The following SPTB variants were observed in gnomAD, a reference collection of about 807,000 sequenced individuals.
The protein encoded by SPTB is spectrin beta, erythrocytic, also known as spectrin beta chain, erythrocytic.
Under a neutral mutation model 256.2 loss-of-function variants are expected in SPTB, and 45 were observed. That is an observed-to-expected ratio of 0.18 (90% CI 0.14 to 0.23). The LOEUF is 0.23. Among genes scored for constraint, SPTB ranks in the 10% least tolerant of loss-of-function variants. The pLI is 1.00. For missense variants in SPTB, 2,715 were observed against 3,040.4 expected (o/e 0.89, Z 2.52); for synonymous variants, 1,231 against 1,243.1 (o/e 0.99, Z 0.21).
chr14:64,853,630 G>A lies in SPTB; in HGVS notation c.-52+26162C>T, dbSNP rs1297793306. 5.3e-5 allele frequency among the ~76,000 whole-genome samples: 8 copies of A among 152,202 alleles called. No individual in the cohort carries two copies. In the East Asian group the frequency reaches 1.5e-3, roughly 29 times the overall value. On this transcript the variant is annotated intron_variant, in intron 1 of 35. Coordinates refer to ENST00000644917, the MANE Select transcript of SPTB (RefSeq NM_001355436.2). The surrounding 1 kb of genome is among the most constrained non-coding windows in gnomAD (Gnocchi z 4.3). ...CCTTCAAAATGTTTGATGGGAGAGGGTATGGGGCTTTGAGGGGGAGCAGAC... is the reference window on the plus strand; with the variant it reads ...CCTTCAAAATGTTTGATGGGAGAGGATATGGGGCTTTGAGGGGGAGCAGAC...
chr14:64,754,069 G>T (rs1463679430), intron 32 of SPTB: 2 of 560,864 alleles, frequency 3.6e-6, no homozygotes, highest in Admixed American at 3.0e-5. Flanking sequence ...ACATAGCAAC[G>T]GAAGGTTCTC....
At chr14:64,835,349 A>T (rs2083508474) in intron 1 of SPTB, among the ~76,000 whole-genome samples, 3 of 152,090 alleles carry the variant, frequency 2.0e-5, no homozygotes, top group African/African-American at 7.2e-5. Context: ...CTTGGGTTCA[A>T]ACAATTCTGC....
chr14:64,771,667 A>C lies in SPTB; in HGVS notation c.5554-538T>G, dbSNP rs146815059. Among the ~76,000 whole-genome samples the C allele has an allele frequency of 6.1e-3, 923 of 152,222 alleles. 12 individuals carry two copies. The highest frequency in any genetic ancestry group is 0.021 in the African/African-American group (882 of 41,504). Reference sequence around the variant, plus strand: ...GTGGTTGCACCAGATCCCCTGATTGAGGCTGGCCCTGGGGACAGTGAAACC... The same window carrying C: ...GTGGTTGCACCAGATCCCCTGATTGCGGCTGGCCCTGGGGACAGTGAAACC... On this transcript the variant is annotated intron_variant, in intron 26 of 35. Transcript: ENST00000644917.
intron 29 of SPTB, among the ~76,000 whole-genome samples, chr14:64,768,651 T>C (rs2082228684): frequency 6.7e-6 from 1 of 149,978 alleles, no homozygotes; most frequent in Non-Finnish European, 1.5e-5. Flanking sequence ...CCAACCCCTC[T>C]CCCAGACCCC....
chr14:64,749,267 T>C lies in SPTB; in HGVS notation c.*39A>G, dbSNP rs2081902766. 2 of 1,543,724 alleles carry C rather than the reference T, an allele frequency of 1.3e-6. No individual in the cohort carries two copies. Among genetic ancestry groups the C allele is most frequent in the African/African-American group, 1.4e-5 (1 of 73,192 alleles). On this transcript the variant is annotated 3_prime_UTR_variant, in exon 36 of 36. Transcript: ENST00000644917. This position sits in a 1 kb window ranked among gnomAD's most constrained non-coding sequence, Gnocchi z 4.7. ...GCCAAGGCCTGGGCTGCCCGGTCTCTGCGCGTCCCGACTCCGCCGCGCCCG... is the reference window on the plus strand; with the variant it reads ...GCCAAGGCCTGGGCTGCCCGGTCTCCGCGCGTCCCGACTCCGCCGCGCCCG...
In SPTB at chr14:64,779,295, C is replaced by T. The variant is rs1465660944; in HGVS notation, c.4474-49G>A. The T allele has an allele frequency of 6.7e-7, 1 of 1,494,532 alleles. No individual in the cohort carries two copies. Among genetic ancestry groups the T allele is most frequent in the East Asian group, 2.3e-5 (1 of 43,468 alleles). The allele number at this position is 1,494,532 out of a possible 1,614,324, so 92.6% of individuals were successfully genotyped here. The stretch of plus-strand genomic sequence containing the variant: ...AGAGCTGATGACAATCACGGCCAAC[C>T]TTTCCTGAGTGCTCACCATGGGCGG... On this transcript the variant is annotated intron_variant, in intron 21 of 35. Transcript: ENST00000644917. The surrounding 1 kb of genome is among the most constrained non-coding windows in gnomAD (Gnocchi z 4.2).
chr14:64,852,135 CAGAGT>C lies in SPTB; in HGVS notation c.-52+27652_-52+27656del, dbSNP rs2083798483. Among the ~76,000 whole-genome samples, 1 of 152,106 alleles carries C rather than the reference CAGAGT, an allele frequency of 6.6e-6. No homozygotes were observed. The highest frequency in any genetic ancestry group is 2.1e-4 in the South Asian group (1 of 4,830). ...GGAAGTACCTGGGGTTTCATGGGAGCAGAGTAGACACACAGAAGGCCTTCTGCAAG... is the reference window on the plus strand; with the variant it reads ...GGAAGTACCTGGGGTTTCATGGGAGCAGACACACAGAAGGCCTTCTGCAAG... On this transcript the variant is annotated intron_variant, in intron 1 of 35. Transcript: ENST00000644917. This position sits in a 1 kb window ranked among gnomAD's most constrained non-coding sequence, Gnocchi z 4.2.
intron 1 of SPTB, among the ~76,000 whole-genome samples, chr14:64,855,137 G>A (rs1162820462): frequency 6.6e-6 from 1 of 152,178 alleles, no homozygotes; most frequent in Non-Finnish European, 1.5e-5. Context: ...CAGTTACCAG[G>A]CAAAGGGCCT....
intron 2 of SPTB, among the ~76,000 whole-genome samples, chr14:64,809,703 G>A (rs1241021042): frequency 6.6e-6 from 1 of 152,164 alleles, no homozygotes; most frequent in African/African-American, 2.4e-5. Flanking sequence ...GAGGCAAAAG[G>A]AAGCACTGAA....
chr14:64,869,644 C>G (rs1322519724), intron 1 of SPTB, among the ~76,000 whole-genome samples: 1 of 133,758 alleles, frequency 7.5e-6, no homozygotes, highest in Non-Finnish European at 1.6e-5. Context: ...TTTTTTGAGA[C>G]AGGGTCTCAA....
intron 2 of SPTB, among the ~76,000 whole-genome samples, chr14:64,808,920 G>A (rs1054876566): frequency 1.3e-5 from 2 of 151,916 alleles, no homozygotes; most frequent in South Asian, 4.2e-4. Flanking sequence ...ATTGTGAAGG[G>A]GAGGGGAGCC....
rs913556332 is a variant in SPTB, at chr14:64,764,102, C to A, written c.6345+2624G>T. On this transcript the variant is annotated intron_variant, in intron 32 of 35. Transcript: ENST00000644917. This position sits in a 1 kb window ranked among gnomAD's most constrained non-coding sequence, Gnocchi z 4.2. ...CACCAGACCACACACAGAGGACCAG[C>A]AGGAGAGCCACCATCCCCCAGGACT... 6.6e-6 allele frequency among the ~76,000 whole-genome samples: 1 copy of A among 152,236 alleles called. No individual in the cohort carries two copies. Among genetic ancestry groups the A allele is most frequent in the Non-Finnish European group, 1.5e-5 (1 of 68,038 alleles).
chr14:64,839,763 A>T (rs569498796), intron 1 of SPTB, among the ~76,000 whole-genome samples: 1 of 152,342 alleles, frequency 6.6e-6, no homozygotes, highest in East Asian at 1.9e-4. Context: ...CTATAATGGA[A>T]TTTTATGAAT....
In SPTB at chr14:64,760,759, G is replaced by A. The variant is rs1479659743; in HGVS notation, c.6345+5967C>T. Among the ~76,000 whole-genome samples, 2 of 152,178 alleles carry A rather than the reference G, an allele frequency of 1.3e-5. No individual in the cohort carries two copies. The highest frequency in any genetic ancestry group is 2.9e-5 in the Non-Finnish European group (2 of 68,038). ...CTCTTCCAATCCTCCCAGCCTCTCT[G>A]TAAGGCAGGTACTGTTATTACACCT... On this transcript the variant is annotated intron_variant, in intron 32 of 35. Transcript: ENST00000644917. The surrounding 1 kb of genome is among the most constrained non-coding windows in gnomAD (Gnocchi z 4.3).
intron 32 of SPTB, among the ~76,000 whole-genome samples, chr14:64,761,715 A>G (rs1256589027): frequency 2.0e-5 from 3 of 152,188 alleles, no homozygotes; most frequent in African/African-American, 7.2e-5. Context: ...TGTCTTCACC[A>G]TGCCCACCAC....
At position 64,779,422 on chromosome 14, in the gene SPTB, G is replaced by A. The variant is rs75629165; in HGVS notation, c.4474-176C>T. ...GAATATTTGGGGATTTTGAACTGAG[G>A]TTCCAAATAACTTGCTCCTAGTCAG... On this transcript the variant is annotated intron_variant, in intron 21 of 35. Transcript: ENST00000644917. This position sits in a 1 kb window ranked among gnomAD's most constrained non-coding sequence, Gnocchi z 4.2. Among the ~76,000 whole-genome samples the A allele has an allele frequency of 0.092, 14,039 of 152,244 alleles. 690 individuals are homozygous for A. Among genetic ancestry groups the A allele is most frequent in the Middle Eastern group, 0.13 (37 of 294 alleles).
In SPTB at chr14:64,766,888, C is replaced by T. The variant is rs2082193543; in HGVS notation, c.6270-87G>A. ...AGGCCTGGCTTTTCACCTGCGCCCACAGGGAGGAGCACCAAATAGCTCCCC... is the reference window on the plus strand; with the variant it reads ...AGGCCTGGCTTTTCACCTGCGCCCATAGGGAGGAGCACCAAATAGCTCCCC... On this transcript the variant is annotated intron_variant, in intron 31 of 35. Transcript: ENST00000644917. 1.2e-5 allele frequency: 19 copies of T among 1,520,338 alleles called. 1 individual carries two copies. The South Asian group carries it at 1.8e-4, about 14-fold the overall frequency. The allele number at this position is 1,520,338 out of a possible 1,614,324, so 94.2% of individuals were successfully genotyped here.
Position 64,793,491 on chromosome 14 carries a change from C to T in SPTB, c.2172G>A (p.Gln724=). The T allele has an allele frequency of 6.2e-7, 1 of 1,614,170 alleles. No individual in the cohort carries two copies. Among genetic ancestry groups the T allele is most frequent in the South Asian group, 1.1e-5 (1 of 91,086 alleles). Residue 724 remains glutamine, a synonymous_variant, in exon 14 of 36, where the codon CAG becomes CAA. Transcript: ENST00000644917. The surrounding 1 kb of genome is among the most constrained non-coding windows in gnomAD (Gnocchi z 7.0). ...IEARIKEVSA[Q]WDQLKDLAAF... ...CAGCCAGGTCCTTCAGCTGGTCCCA[C>T]TGTGCCGACACCTCCTTTATGCGGG...
At position 64,800,344 on chromosome 14, in the gene SPTB, T is replaced by C. The variant is rs79270597; in HGVS notation, c.877-410A>G. Reference sequence around the variant, plus strand: ...ACAGAGATGAATGAGAAATGGTACCTATACTCTAAGAGCTAAGGATCTAGC... The same window carrying C: ...ACAGAGATGAATGAGAAATGGTACCCATACTCTAAGAGCTAAGGATCTAGC... On this transcript the variant is annotated intron_variant, in intron 8 of 35. Coordinates refer to ENST00000644917, the MANE Select transcript of SPTB (RefSeq NM_001355436.2). Among the ~76,000 whole-genome samples, 422 of 152,330 alleles carry C rather than the reference T, an allele frequency of 2.8e-3. 3 individuals carry two copies. The highest frequency in any genetic ancestry group is 9.9e-3 in the African/African-American group (413 of 41,578).
Sources: allele counts gnomAD v4.1 joint callset (sites outside exome capture counted in the v4.1 genomes callset), GRCh38; gene constraint gnomAD v4.1.1; non-coding constraint Gnocchi (gnomAD v3.1); transcripts MANE v1.5; gene names NCBI Gene and HGNC (gene_info 2026-07-23, HGNC 2026-07-21).